Variants in UBE2D3 observed in about 807,000 individuals in gnomAD.
UBE2D3 encodes ubiquitin conjugating enzyme E2 D3.
In UBE2D3, 2 loss-of-function variants were observed where a neutral mutation model predicts 22.8. The observed-to-expected ratio is 0.09, with a 90% CI of 0.04 to 0.28. UBE2D3 has a LOEUF of 0.28. Among genes scored for constraint, UBE2D3 ranks in the 10% least tolerant of loss-of-function variants. The pLI is 1.00. For synonymous variants in UBE2D3, 56 were observed against 60.4 expected, an observed-to-expected ratio of 0.93 and a Z score of 0.34; for missense variants, 27 against 182.5, an observed-to-expected ratio of 0.15 and a Z score of 4.91.
chr4:102,802,881 C>G (rs1463803376), intron 4 of UBE2D3, among the ~76,000 whole-genome samples: 2 of 152,074 alleles, frequency 1.3e-5, no homozygotes, highest in Non-Finnish European at 2.9e-5. Context: ...AAAAAGTTAT[C>G]CAGAAACGCA....
chr4:102,861,805 TTTGTC>T (rs1462686818), intron 1 of UBE2D3, among the ~76,000 whole-genome samples: 1 of 152,032 alleles, frequency 6.6e-6, no homozygotes, highest in Non-Finnish European at 1.5e-5. Flanking sequence ...ACCATAATCT[TTTGTC>T]TAGTCAATGA....
intron 2 of UBE2D3, among the ~76,000 whole-genome samples, chr4:102,813,341 T>C (rs979507329): frequency 1.3e-5 from 2 of 152,232 alleles, no homozygotes; most frequent in African/African-American, 2.4e-5. Context: ...TACGCATCAC[T>C]ATGTACAGCA....
chr4:102,842,804 T>C (rs1731829764), intron 1 of UBE2D3, among the ~76,000 whole-genome samples: 1 of 152,186 alleles, frequency 6.6e-6, no homozygotes. Flanking sequence ...GAGGCTTAAC[T>C]GTAACTGTAA....
chr4:102,855,499 C>A (rs72933522), intron 1 of UBE2D3, among the ~76,000 whole-genome samples: 223 of 152,328 alleles, frequency 1.5e-3, no homozygotes, highest in Admixed American at 3.0e-3. Context: ...TCACTTCATG[C>A]AGCCTTGAAC....
At chr4:102,817,926 C>G (rs962916407) in intron 2 of UBE2D3, among the ~76,000 whole-genome samples, 10 of 152,170 alleles carry the variant, frequency 6.6e-5, no homozygotes, top group African/African-American at 9.7e-5. Flanking sequence ...TAAAGTTTCA[C>G]AGGCTTCAGG....
chr4:102,802,542 T>C lies in UBE2D3; in HGVS notation c.198+19A>G. ...AAAGCATAAATCTATACTAACAGAT[T>C]TTGAGGGAAAATACTTGCCTTAGGT... On this transcript the variant is annotated intron_variant, in intron 5 of 7. Coordinates refer to ENST00000453744, the MANE Select transcript of UBE2D3 (RefSeq NM_181891.3). The C allele has an allele frequency of 6.3e-7, 1 of 1,587,830 alleles. No individual in the cohort carries two copies. Among genetic ancestry groups the C allele is most frequent in the Non-Finnish European group, 8.6e-7 (1 of 1,164,692 alleles).
At chr4:102,828,181 G>A (rs908520227), upstream of UBE2D3, 3 of 985,338 alleles carry the variant, frequency 3.0e-6, no homozygotes, top group East Asian at 1.1e-4. Context: ...GAATTCCCCA[G>A]ACTGGTAAGA....
intron 1 of UBE2D3, among the ~76,000 whole-genome samples, chr4:102,836,141 ATTTTTTTTT>A (rs907557988): frequency 9.7e-5 from 10 of 102,650 alleles, no homozygotes; most frequent in African/African-American, 3.9e-4. Flanking sequence ...GTTTGTTTCC[ATTTTTTTTT>A]TTTTTTTTTT....
At chr4:102,863,346 C>T (rs535865262) in intron 1 of UBE2D3, among the ~76,000 whole-genome samples, 143 of 152,172 alleles carry the variant, frequency 9.4e-4, no homozygotes, top group African/African-American at 3.3e-3. Context: ...CCACCGAGCC[C>T]GGCCCCAGGC....
At position 102,825,558 on chromosome 4, in the gene UBE2D3, G is replaced by A. The variant is rs145651800; in HGVS notation, c.24+927C>T. ...CTTAAAATGCGGGATAGAAGTTAGAGCAAGAAAATGAGACTAAACCACCGG... is the reference window on the plus strand; with the variant it reads ...CTTAAAATGCGGGATAGAAGTTAGAACAAGAAAATGAGACTAAACCACCGG... On this transcript the variant is annotated intron_variant, in intron 2 of 7. Coordinates refer to ENST00000453744, the MANE Select transcript of UBE2D3 (RefSeq NM_181891.3). 5.1e-4 allele frequency: 611 copies of A among 1,192,638 alleles called. 2 individuals carry two copies. The African/African-American group carries it at 8.9e-3, about 17-fold the overall frequency. 73.9% of individuals were successfully genotyped at this position (1,192,638 alleles called of 1,614,324 possible). A position where few individuals can be genotyped will look rare whatever the true frequency, so the allele number is the denominator to read the frequency against.
chr4:102,795,991 T>A lies in UBE2D3; in HGVS notation c.*1424A>T, dbSNP rs970086164. The A allele has an allele frequency of 6.6e-6, 1 of 152,516 alleles. No individual in the cohort carries two copies. The highest frequency in any genetic ancestry group is 2.4e-5 in the African/African-American group (1 of 41,434). 9.4% of individuals were successfully genotyped at this position (152,516 alleles called of 1,614,324 possible). A position where few individuals can be genotyped will look rare whatever the true frequency, so the allele number is the denominator to read the frequency against. On this transcript the variant is annotated 3_prime_UTR_variant, in exon 8 of 8. Coordinates refer to ENST00000453744, the MANE Select transcript of UBE2D3 (RefSeq NM_181891.3). The stretch of plus-strand genomic sequence containing the variant: ...CAAAAAACAATCCAATAGCATTGAC[T>A]TTTATTCATTCATGTTAAGTCACCT...
intron 7 of UBE2D3, 109 bp from the exon 8 acceptor site, chr4:102,797,569 C>T: frequency 1.3e-6 from 1 of 753,356 alleles, no homozygotes; most frequent in Non-Finnish European, 2.0e-6. Flanking sequence ...ATGAAGTCAT[C>T]TCTAATGACT....
chr4:102,851,414 C>T (rs971079937), intron 1 of UBE2D3, among the ~76,000 whole-genome samples: 3 of 152,182 alleles, frequency 2.0e-5, no homozygotes, highest in African/African-American at 7.2e-5. Flanking sequence ...GGAGTGAACA[C>T]AGGGGAGACT....
In UBE2D3 at chr4:102,797,347, C is replaced by CA; in HGVS notation, c.*67dup. The stretch of plus-strand genomic sequence containing the variant: ...TAGGGGAGCAGCCGGATAAGAAAAT[C>CA]AAAAAAGGAACAGTAATTTAAAGTT... On this transcript the variant is annotated 3_prime_UTR_variant, in exon 8 of 8. Coordinates refer to ENST00000453744, the MANE Select transcript of UBE2D3 (RefSeq NM_181891.3). The CA allele has an allele frequency of 7.2e-7, 1 of 1,395,370 alleles. No homozygotes were observed. Among genetic ancestry groups the CA allele is most frequent in the African/African-American group, 1.5e-5 (1 of 68,294 alleles). The allele number at this position is 1,395,370 out of a possible 1,614,324, so 86.4% of individuals were successfully genotyped here.
At chr4:102,810,346 A>G (rs1243613676) in intron 2 of UBE2D3, 1 of 149,288 alleles carries the variant, frequency 6.7e-6, no homozygotes, top group Non-Finnish European at 1.5e-5. Flanking sequence ...TTGTTTTCTA[A>G]TCTCCTTATT....
intron 1 of UBE2D3, among the ~76,000 whole-genome samples, chr4:102,857,439 A>G (rs1732679365): frequency 1.3e-5 from 2 of 152,214 alleles, no homozygotes; most frequent in African/African-American, 4.8e-5. Context: ...AGTTTCTAAT[A>G]TAAAGAAATC....
chr4:102,841,963 CT>C, intron 1 of UBE2D3, among the ~76,000 whole-genome samples: 1 of 152,204 alleles, frequency 6.6e-6, no homozygotes, highest in Middle Eastern at 3.4e-3. Flanking sequence ...CAATAAAGAA[CT>C]TTTCAATGGT....
At chr4:102,826,664 C>A (rs1730553310) in intron 1 of UBE2D3, 28 bp from the exon 2 acceptor site, 3 of 1,533,266 alleles carry the variant, frequency 2.0e-6, no homozygotes, top group African/African-American at 1.4e-5. Flanking sequence ...CAGATCAGCA[C>A]TCGCACAGGC....
At chr4:102,799,006 T>TTA (rs1351668892) in intron 7 of UBE2D3, 1 of 1,590,138 alleles carries the variant, frequency 6.3e-7, no homozygotes, top group African/African-American at 1.3e-5. Flanking sequence ...TTAGCATTAA[T>TTA]TATAACATAT....
Sources: allele counts gnomAD v4.1 joint callset (sites outside exome capture counted in the v4.1 genomes callset), GRCh38; gene constraint gnomAD v4.1.1; transcripts MANE v1.5; gene names NCBI Gene and HGNC (gene_info 2026-07-23, HGNC 2026-07-21).